Variants in ACOT11 observed in about 807,000 individuals in gnomAD.
ACOT11 encodes the protein acyl-CoA thioesterase 11.
Under a neutral mutation model 77.5 loss-of-function variants are expected in ACOT11, and 69 were observed. The observed-to-expected ratio is 0.89, with a 90% CI of 0.73 to 1.09. ACOT11 has a LOEUF of 1.09. ACOT11 is among the 50% of genes least tolerant of loss of function. ACOT11 has a pLI of 0.00. For synonymous variants in ACOT11, 279 were observed against 313.0 expected (o/e 0.89, Z 1.15); for missense variants, 766 against 813.7 (o/e 0.94, Z 0.71).
chr1:54,602,529 A>C, intron 9 of ACOT11, 140 bp from the exon 10 acceptor site: 1 of 760,484 alleles, frequency 1.3e-6, no homozygotes, highest in Non-Finnish European at 1.9e-6. Flanking sequence ...TTTGCTGGCC[A>C]GGATGTTTTG....
chr1:54,599,522 A>G (rs1297298551), intron 8 of ACOT11, 107 bp downstream of exon 8: 3 of 1,229,132 alleles, frequency 2.4e-6, no homozygotes, highest in Admixed American at 2.7e-5. Flanking sequence ...TGCCCTGCAG[A>G]CAGGGTCTAA....
downstream of ACOT11, among the ~76,000 whole-genome samples, chr1:54,614,201 T>C (rs1053048258): frequency 6.6e-6 from 1 of 152,196 alleles, no homozygotes; most frequent in East Asian, 1.9e-4. Flanking sequence ...ACTGTGCAAC[T>C]ACTGTATGTG....
At position 54,627,249 on chromosome 1, in the gene ACOT11, G is replaced by A. The variant is rs559472491; in HGVS notation, c.1630-3485G>A. 2.1e-4 allele frequency among the ~76,000 whole-genome samples: 28 copies of A among 134,748 alleles called. 2 individuals carry two copies. Among genetic ancestry groups the A allele is most frequent in the African/African-American group, 6.0e-4 (24 of 39,724 alleles). 88.4% of individuals were successfully genotyped at this position (134,748 alleles called of 152,430 possible). On this transcript the variant is annotated intron_variant, in intron 15 of 16. Transcript: ENST00000371316. ...GCCCATGCCCTGTCATTCCAACTCC[G>A]CGGGCCGTGTGTCACCTGTCCTCCC... is the stretch of plus-strand genomic sequence containing the variant.
intron 1 of ACOT11, among the ~76,000 whole-genome samples, chr1:54,556,057 T>A (rs1398441723): frequency 2.0e-5 from 3 of 152,192 alleles, no homozygotes; most frequent in East Asian, 1.9e-4. Context: ...CTGATTTTTT[T>A]ATACAGTGAG....
chr1:54,552,307 C>T (rs766826062), intron 1 of ACOT11, among the ~76,000 whole-genome samples: 4 of 152,184 alleles, frequency 2.6e-5, no homozygotes, highest in Admixed American at 6.5e-5. Flanking sequence ...CTATCATATA[C>T]GAGGAGTCCC....
intron 1 of ACOT11, among the ~76,000 whole-genome samples, chr1:54,557,617 TTTTA>T (rs1196694599): frequency 6.6e-6 from 1 of 152,096 alleles, no homozygotes; most frequent in Non-Finnish European, 1.5e-5. Context: ...AGGTATTTTA[TTTTA>T]TTTTATTTTT....
At chr1:54,605,027 C>A in intron 12 of ACOT11, 49 bp from the exon 13 acceptor site, 1 of 1,565,366 alleles carries the variant, frequency 6.4e-7, no homozygotes, top group Non-Finnish European at 8.7e-7. Flanking sequence ...GCATCCCCAT[C>A]AGTCCACTCC....
intron 15 of ACOT11, among the ~76,000 whole-genome samples, chr1:54,620,951 G>A (rs1264473532): frequency 6.7e-6 from 1 of 150,354 alleles, no homozygotes; most frequent in Non-Finnish European, 1.5e-5. Context: ...CCTGAGCTCA[G>A]GAGTTCAAGA....
At chr1:54,630,673 A>T in intron 15 of ACOT11, 3 of 572,558 alleles carry the variant, frequency 5.2e-6, no homozygotes, top group Non-Finnish European at 9.7e-6. Context: ...GAAGGCTGTG[A>T]GACCCCTGAT....
At chr1:54,622,261 G>A (rs2101027078) in intron 15 of ACOT11, among the ~76,000 whole-genome samples, 1 of 119,710 alleles carries the variant, frequency 8.4e-6, no homozygotes, top group Admixed American at 9.7e-5. Context: ...GAGTGACAGA[G>A]TGAGACTCTG....
At chr1:54,555,924 T>A (rs903715129) in intron 1 of ACOT11, among the ~76,000 whole-genome samples, 2 of 152,054 alleles carry the variant, frequency 1.3e-5, no homozygotes, top group African/African-American at 4.8e-5. Context: ...ACTTTTGTAT[T>A]TTTAGTTGAG....
chr1:54,589,053 G>C (rs1446879987), intron 3 of ACOT11, among the ~76,000 whole-genome samples: 1 of 152,082 alleles, frequency 6.6e-6, no homozygotes, highest in Non-Finnish European at 1.5e-5. Context: ...GAGATGATCT[G>C]TCTCCCAGGC....
chr1:54,603,768 C>T, intron 10 of ACOT11, 103 bp from the exon 11 acceptor site: 1 of 1,105,728 alleles, frequency 9.0e-7, no homozygotes, highest in Non-Finnish European at 1.4e-6. Flanking sequence ...TCCCATTCTG[C>T]CGGGCTCAGC....
rs1644076936 is a variant in ACOT11 at position 54,609,126 on chromosome 1, C to G, written c.*14C>G. 1 of 1,613,830 alleles carries G rather than the reference C, an allele frequency of 6.2e-7. No homozygotes were observed. ...CAGACCCTCTAGATGCCCTCAGTGGCCACATCATGCCCACTCCCACTCCAT... is the reference window on the plus strand; with the variant it reads ...CAGACCCTCTAGATGCCCTCAGTGGGCACATCATGCCCACTCCCACTCCAT... On this transcript the variant is annotated 3_prime_UTR_variant, in exon 16 of 16. Transcript: ENST00000343744.
At chr1:54,616,836 C>T (rs72903834) in intron 15 of ACOT11, among the ~76,000 whole-genome samples, 13,555 of 152,182 alleles carry the variant, frequency 0.089, 907 homozygotes, top group African/African-American at 0.17. Flanking sequence ...GTGTTCACTA[C>T]TATGTAGTTG....
At chr1:54,580,631 C>G (rs557988489) in intron 1 of ACOT11, among the ~76,000 whole-genome samples, 1 of 152,162 alleles carries the variant, frequency 6.6e-6, no homozygotes, top group African/African-American at 2.4e-5. Context: ...GCTCTCAGAC[C>G]ATTAGTCTTT....
At chr1:54,564,751 C>T (rs1341293704) in intron 1 of ACOT11, among the ~76,000 whole-genome samples, 1 of 152,164 alleles carries the variant, frequency 6.6e-6, no homozygotes, top group Non-Finnish European at 1.5e-5. Context: ...GGTTCTTGAC[C>T]GGCTCTCTTC....
chr1:54,611,871 G>T, downstream of ACOT11: 6 of 1,102,460 alleles, frequency 5.4e-6, no homozygotes, highest in Non-Finnish European at 6.5e-6. Flanking sequence ...TCGCCCACCT[G>T]CCACTTCTCC....
intron 1 of ACOT11, among the ~76,000 whole-genome samples, chr1:54,549,499 A>G (rs1294928381): frequency 6.6e-6 from 1 of 152,028 alleles, no homozygotes; most frequent in Admixed American, 6.6e-5. Flanking sequence ...CATCTCCCCA[A>G]ACTTGTGTCC....
Sources: gnomAD v4.1 joint callset for allele counts (sites outside exome capture counted in the v4.1 genomes callset) on GRCh38, gnomAD v4.1.1 for gene constraint, MANE v1.5 for transcripts, NCBI Gene and HGNC (gene_info 2026-07-23, HGNC 2026-07-21) for gene names.